ACSS3: variants seen among roughly 807,000 people sequenced by gnomAD.
ACSS3 encodes acyl-CoA synthetase short-chain family member 3, mitochondrial.
In ACSS3, 64 loss-of-function variants were observed where a neutral mutation model predicts 84.2. The ratio of observed to expected loss-of-function variants is 0.76; its 90% CI spans 0.62 to 0.94. ACSS3 has a LOEUF of 0.94. ACSS3 is among the 40% of genes least tolerant of loss of function. The probability of loss-of-function intolerance (pLI) is 0.00; values close to 1 mark genes in which losing one functional copy is unlikely to be tolerated. For synonymous variants in ACSS3, 317 were observed against 310.1 expected (o/e 1.02, Z -0.23); for missense variants, 815 against 867.6 (o/e 0.94, Z 0.76).
Position 81,203,810 on chromosome 12 carries a change from A to G in ACSS3, c.1354+4366A>G, listed in dbSNP as rs541183422. Among the ~76,000 whole-genome samples the G allele has an allele frequency of 1.4e-3, 206 of 152,286 alleles. 2 individuals carry two copies. In the South Asian group the frequency reaches 0.023, roughly 17 times the overall value. On this transcript the variant is annotated intron_variant, in intron 9 of 15. Transcript: ENST00000548058. ...AAAAGCCAAATTGTCATTCACCCAG[A>G]TGTATTATCTTCACAGTAACTCATC... is the stretch of plus-strand genomic sequence containing the variant.
At chr12:81,213,793 T>TCTCTTCTCTTCTC (rs1555181604) in intron 9 of ACSS3, among the ~76,000 whole-genome samples, 3 of 30,818 alleles carry the variant, frequency 9.7e-5, no homozygotes, top group Non-Finnish European at 2.1e-4. Context: ...TCTCTTCTCT[T>TCTCTTCTCTTCTC]TTCTCTTCTC....
intron 1 of ACSS3, among the ~76,000 whole-genome samples, chr12:81,083,440 C>T (rs2121277638): frequency 6.7e-6 from 1 of 150,244 alleles, no homozygotes; most frequent in African/African-American, 2.4e-5. Flanking sequence ...TCACTGCAAC[C>T]TCCATCTCCC....
chr12:81,086,244 A>G (rs1387601932), intron 1 of ACSS3, among the ~76,000 whole-genome samples: 3 of 141,392 alleles, frequency 2.1e-5, no homozygotes, highest in Non-Finnish European at 4.9e-5. Context: ...TGTACACAGT[A>G]AAGGTATATT....
chr12:81,184,707 C>G (rs532727862), intron 8 of ACSS3, among the ~76,000 whole-genome samples: 87 of 151,554 alleles, frequency 5.7e-4, no homozygotes, highest in Non-Finnish European at 1.1e-3. Flanking sequence ...TATAAGCTAC[C>G]AATATTAAGT....
intron 11 of ACSS3, among the ~76,000 whole-genome samples, chr12:81,230,575 A>G (rs2033424100): frequency 6.6e-6 from 1 of 151,850 alleles, no homozygotes; most frequent in Non-Finnish European, 1.5e-5. Context: ...TTCCCAGCGG[A>G]GGGAGGCATA....
chr12:81,121,803 G>A (rs1485187162), intron 2 of ACSS3, among the ~76,000 whole-genome samples: 1 of 152,020 alleles, frequency 6.6e-6, no homozygotes, highest in Non-Finnish European at 1.5e-5. Flanking sequence ...CTTCCATAGA[G>A]GCTTTGATTA....
intron 1 of ACSS3, among the ~76,000 whole-genome samples, chr12:81,084,001 C>T (rs1565966637): frequency 6.6e-6 from 1 of 151,984 alleles, no homozygotes; most frequent in Non-Finnish European, 1.5e-5. Flanking sequence ...GAATGTCTGT[C>T]GGCGATGGGT....
Position 81,209,481 on chromosome 12 carries a change from G to A in ACSS3, c.1355-7420G>A, listed in dbSNP as rs2032496774. ...TGGATCATAGGCAGAAATCAGCCAGGGATTCTGGTGCTCCAAGTCTCCAAG... is the reference window on the plus strand; with the variant it reads ...TGGATCATAGGCAGAAATCAGCCAGAGATTCTGGTGCTCCAAGTCTCCAAG... On this transcript the variant is annotated intron_variant, in intron 9 of 15. Transcript: ENST00000548058. Among the ~76,000 whole-genome samples, 4 of 151,786 alleles carry A rather than the reference G, an allele frequency of 2.6e-5. No homozygotes were observed. The South Asian group carries it at 8.3e-4, about 31-fold the overall frequency.
intron 5 of ACSS3, among the ~76,000 whole-genome samples, chr12:81,147,529 A>C (rs1886398773): frequency 6.6e-6 from 1 of 152,164 alleles, no homozygotes; most frequent in Non-Finnish European, 1.5e-5. Flanking sequence ...GAGGGCTGTG[A>C]AAGAGGACCT....
At chr12:81,233,536 T>C in intron 13 of ACSS3, 65 bp downstream of exon 13, 1 of 1,567,232 alleles carries the variant, frequency 6.4e-7, no homozygotes, top group Admixed American at 1.8e-5. Flanking sequence ...CTGAAGACAA[T>C]ATTGAGGTTA....
chr12:81,220,234 T>C (rs376996198), intron 11 of ACSS3, among the ~76,000 whole-genome samples, 158 bp downstream of exon 11: 1 of 152,070 alleles, frequency 6.6e-6, no homozygotes, highest in South Asian at 2.1e-4. Context: ...AATTTAAACA[T>C]AGAAGCCCCA....
At chr12:81,121,190 G>C (rs1884563385) in intron 2 of ACSS3, among the ~76,000 whole-genome samples, 2 of 152,132 alleles carry the variant, frequency 1.3e-5, no homozygotes, top group South Asian at 2.1e-4. Flanking sequence ...AAACTGTAAA[G>C]GTTAACAGGA....
chr12:81,143,332 C>T lies in ACSS3; in HGVS notation c.921+85C>T, dbSNP rs1886183442. ...TTTGATCACTGACTGGAAATGTTTG[C>T]AGACTTTACTTTGAAGTTTAGAGAG... On this transcript the variant is annotated intron_variant, in intron 5 of 15. Transcript: ENST00000548058. 6.8e-6 allele frequency: 9 copies of T among 1,332,676 alleles called. No individual in the cohort carries two copies. In the Admixed American group the frequency reaches 1.9e-4, roughly 28 times the overall value. The allele number at this position is 1,332,676 out of a possible 1,614,324, so 82.6% of individuals were successfully genotyped here. A position where few individuals can be genotyped will look rare whatever the true frequency, so the allele number is the denominator to read the frequency against.
At chr12:81,145,067 A>ATT (rs35753293) in intron 5 of ACSS3, among the ~76,000 whole-genome samples, 23,879 of 100,748 alleles carry the variant, frequency 0.24, 2,742 homozygotes, top group East Asian at 0.33. Flanking sequence ...CGCCTGGCTA[A>ATT]TTTTTTTTTT....
Position 81,233,829 on chromosome 12 carries a change from A to G in ACSS3, c.1719+358A>G, listed in dbSNP as rs138054791. On this transcript the variant is annotated intron_variant, in intron 13 of 15. Transcript: ENST00000548058. ...GTCTTTAAGTGGTATGGGATTAAAC[A>G]TTTTATTGTACTCTTAAATCCTGAG... is the stretch of plus-strand genomic sequence containing the variant. 3.3e-5 allele frequency among the ~76,000 whole-genome samples: 5 copies of G among 151,742 alleles called. No homozygotes were observed. In the East Asian group the frequency reaches 9.7e-4, roughly 29 times the overall value.
At chr12:81,136,822 G>A (rs1885828106) in intron 3 of ACSS3, among the ~76,000 whole-genome samples, 1 of 152,298 alleles carries the variant, frequency 6.6e-6, no homozygotes, top group Admixed American at 6.5e-5. Flanking sequence ...GTAAGTGGGA[G>A]TGAAGCTGGA....
At chr12:81,252,349 C>T (rs183546680) in intron 13 of ACSS3, among the ~76,000 whole-genome samples, 11 of 152,130 alleles carry the variant, frequency 7.2e-5, no homozygotes, top group East Asian at 1.9e-4. Flanking sequence ...TGAAGCAATA[C>T]GCTATTTTTG....
At position 81,175,170 on chromosome 12, in the gene ACSS3, A is replaced by G. The variant is rs2030383676; in HGVS notation, c.1250+231A>G. On this transcript the variant is annotated intron_variant, in intron 8 of 15. Transcript: ENST00000548058. The stretch of plus-strand genomic sequence containing the variant: ...TAATTTCAGTTCAAATATTATGAAA[A>G]TATTTCTTTTTAAAATCACTCTTGT... Among the ~76,000 whole-genome samples the G allele has an allele frequency of 2.0e-5, 3 of 152,198 alleles. No homozygotes were observed. The South Asian group carries it at 6.2e-4, about 31-fold the overall frequency.
intron 9 of ACSS3, among the ~76,000 whole-genome samples, chr12:81,214,128 C>G (rs2032810157): frequency 6.6e-6 from 1 of 151,308 alleles, no homozygotes; most frequent in Admixed American, 6.6e-5. Flanking sequence ...TGAGTTCAAG[C>G]AATTCTCCTG....
Sources: gnomAD v4.1 joint callset for allele counts (sites outside exome capture counted in the v4.1 genomes callset) on GRCh38, gnomAD v4.1.1 for gene constraint, MANE v1.5 for transcripts, NCBI Gene and HGNC (gene_info 2026-07-23, HGNC 2026-07-21) for gene names.